The following TOP2B variants were observed in gnomAD, a reference collection of about 807,000 sequenced individuals.
TOP2B encodes the protein DNA topoisomerase II beta, also known as DNA topoisomerase 2-beta.
A neutral mutation model predicts 193.5 loss-of-function variants in TOP2B; 51 were observed. That is an observed-to-expected ratio of 0.26 (90% confidence interval 0.21 to 0.33). TOP2B has a LOEUF of 0.33. TOP2B is among the 10% of genes least tolerant of loss of function. The pLI, the probability that TOP2B is intolerant of heterozygous loss-of-function variation, is 1.00. For missense variants in TOP2B, 1,378 were observed against 1,909.3 expected, an observed-to-expected ratio of 0.72 and a Z score of 5.19; for synonymous variants, 634 against 635.7, an observed-to-expected ratio of 1.00 and a Z score of 0.04.
In TOP2B at chr3:25,633,958, A is replaced by G; in HGVS notation, c.909T>C (p.Thr303=). 6.2e-7 allele frequency: 1 copy of G among 1,612,898 alleles called. No homozygotes were observed. Among genetic ancestry groups the G allele is most frequent in the South Asian group, 1.1e-5 (1 of 91,010 alleles). Reference sequence around the variant, plus strand: ...CATGAATAACTTTCAGGGCCACCCCAGTTTCATCCAATTTGTCTTTCACAT... The same window carrying G: ...CATGAATAACTTTCAGGGCCACCCCGGTTTCATCCAATTTGTCTTTCACAT... ...DLYVKDKLDE[T]GVALKVIHEL... is the part of the protein sequence containing the mutation. The change falls in exon 8 of 36, where the codon ACT becomes ACC. Residue 303 remains threonine (T), a synonymous_variant. Coordinates refer to ENST00000264331, the MANE Select transcript of TOP2B (RefSeq NM_001330700.2).
chr3:25,615,014 C>A (rs571494188), intron 27 of TOP2B, among the ~76,000 whole-genome samples, 191 bp downstream of exon 27: 1 of 152,056 alleles, frequency 6.6e-6, no homozygotes, highest in East Asian at 1.9e-4. Context: ...ATTTCAATTT[C>A]ATAGCATTTA....
rs1702259857 is a variant in TOP2B at position 25,607,303 on chromosome 3, T to C, written c.4166A>G (p.Asn1389Ser). 6.4e-7 allele frequency: 1 copy of C among 1,557,128 alleles called. No homozygotes were observed. The highest frequency in any genetic ancestry group is 1.9e-5 in the Admixed American group (1 of 51,388). The change falls in exon 31 of 36, where the codon AAT becomes AGT. Residue 1389 changes from asparagine to serine, a missense_variant. Physicochemically the swap from Asn to Ser is conservative, Grantham distance 46 (BLOSUM62 1). This residue lies in a region of TOP2B where 556 missense variants were observed against 584.2 expected (regional missense o/e 0.95). Coordinates refer to ENST00000264331, the MANE Select transcript of TOP2B (RefSeq NM_001330700.2). ...DDDADDDDDDNNDLEELKVKA... is the reference protein window; with the variant it reads ...DDDADDDDDDSNDLEELKVKA... ...AACTTTCAATTCCTCTAAATCATTA[T>C]TGTCATCATCATCATCATCAGCATC... is the stretch of plus-strand genomic sequence containing the variant.
At chr3:25,623,883 G>A (rs1010036910) in intron 20 of TOP2B, 137 bp from the exon 21 acceptor site, 131 of 645,780 alleles carry the variant, frequency 2.0e-4, no homozygotes, top group African/African-American at 1.4e-3. Context: ...GATTACATCC[G>A]CTTAATAATA....
At chr3:25,626,903 A>G (rs907992900) in intron 16 of TOP2B, 39 bp from the exon 17 acceptor site, 1 of 1,234,510 alleles carries the variant, frequency 8.1e-7, no homozygotes, top group African/African-American at 1.5e-5. Flanking sequence ...CATTAAAAAT[A>G]AAATAAATTT....
In TOP2B at chr3:25,618,252, T is replaced by G. The variant is rs1702563427; in HGVS notation, c.3351+166A>C. On this transcript the variant is annotated intron_variant, in intron 25 of 35. Coordinates refer to ENST00000264331, the MANE Select transcript of TOP2B (RefSeq NM_001330700.2). ...TTTGTGGTGGGTGTGTACTATAAATTCCTGTACTTTATCTGTTCTGTGGAT... is the reference window on the plus strand; with the variant it reads ...TTTGTGGTGGGTGTGTACTATAAATGCCTGTACTTTATCTGTTCTGTGGAT... 8.4e-6 allele frequency: 5 copies of G among 597,656 alleles called. No homozygotes were observed. In the South Asian group the frequency reaches 1.1e-4, roughly 13 times the overall value. The allele number at this position is 597,656 out of a possible 1,614,324, so 37.0% of individuals were successfully genotyped here. A position where few individuals can be genotyped will look rare whatever the true frequency, so the allele number is the denominator to read the frequency against.
intron 1 of TOP2B, among the ~76,000 whole-genome samples, chr3:25,648,059 T>C (rs73051998): frequency 0.13 from 20,441 of 152,122 alleles, 1,681 homozygotes; most frequent in East Asian, 0.2. Context: ...TTCCACCTTC[T>C]CCCTGGGGAG....
chr3:25,610,291 AC>A (rs1258132684), intron 28 of TOP2B, among the ~76,000 whole-genome samples: 1 of 152,194 alleles, frequency 6.6e-6, no homozygotes, highest in African/African-American at 2.4e-5. Context: ...GGGTAAAAAA[AC>A]AAAAACAAAA....
intron 1 of TOP2B, among the ~76,000 whole-genome samples, chr3:25,652,257 G>C (rs2125404650): frequency 1.3e-5 from 2 of 152,248 alleles, no homozygotes; most frequent in South Asian, 4.2e-4. Context: ...TTCAGTTATG[G>C]ATAGAACAAC....
chr3:25,634,999 C>T (rs1703066819), intron 7 of TOP2B, among the ~76,000 whole-genome samples: 1 of 151,984 alleles, frequency 6.6e-6, no homozygotes, highest in African/African-American at 2.4e-5. Flanking sequence ...TGTAATGAGA[C>T]ATTAGAGAAC....
intron 1 of TOP2B, among the ~76,000 whole-genome samples, chr3:25,663,936 AAAAAG>A (rs933181362): frequency 7.0e-6 from 1 of 143,328 alleles, no homozygotes; most frequent in Non-Finnish European, 1.5e-5. Flanking sequence ...GAGTCTGGTT[AAAAAG>A]AAAAGAGAGG....
intron 1 of TOP2B, among the ~76,000 whole-genome samples, chr3:25,657,320 A>G (rs1663650352): frequency 6.6e-6 from 1 of 152,238 alleles, no homozygotes; most frequent in Admixed American, 6.5e-5. Flanking sequence ...TCCCATCCCT[A>G]GAACAGGTAT....
chr3:25,599,116 T>C (rs911600175), intron 35 of TOP2B, among the ~76,000 whole-genome samples: 1 of 152,072 alleles, frequency 6.6e-6, no homozygotes, highest in African/African-American at 2.4e-5. Flanking sequence ...AAATCCAAGT[T>C]AAAAGGAAAC....
intron 20 of TOP2B, 94 bp from the exon 21 acceptor site, chr3:25,623,840 A>G: frequency 3.9e-6 from 3 of 768,766 alleles, no homozygotes; most frequent in Non-Finnish European, 6.3e-6. Context: ...GCAAAAACAA[A>G]TCTTTTGAAG....
At chr3:25,599,971 T>C (rs1285407642) in intron 34 of TOP2B, among the ~76,000 whole-genome samples, 1 of 152,226 alleles carries the variant, frequency 6.6e-6, no homozygotes, top group Non-Finnish European at 1.5e-5. Context: ...GCTGTTTTAG[T>C]AACACATTAT....
At chr3:25,629,802 T>C (rs993375838) in intron 13 of TOP2B, among the ~76,000 whole-genome samples, 2 of 152,190 alleles carry the variant, frequency 1.3e-5, no homozygotes, top group Admixed American at 6.5e-5. Flanking sequence ...TAGGCTGCTA[T>C]AGTACCACAC....
intron 10 of TOP2B, 128 bp from the exon 11 acceptor site, chr3:25,631,067 G>C: frequency 1.5e-6 from 1 of 678,616 alleles, no homozygotes; most frequent in Non-Finnish European, 2.3e-6. Context: ...AACAATAATG[G>C]TGATAAGCAT....
chr3:25,627,126 G>C, intron 16 of TOP2B, 61 bp downstream of exon 16: 1 of 1,187,352 alleles, frequency 8.4e-7, no homozygotes, highest in South Asian at 1.5e-5. Context: ...AGGACTGGGA[G>C]GAAAGGAATA....
At position 25,615,098 on chromosome 3, in the gene TOP2B, A is replaced by G. The variant is rs1244038517; in HGVS notation, c.3591+107T>C. The G allele has an allele frequency of 8.7e-6, 8 of 918,220 alleles. No homozygotes were observed. The East Asian group carries it at 2.1e-4, about 25-fold the overall frequency. 56.9% of individuals were successfully genotyped at this position (918,220 alleles called of 1,614,324 possible). Reference sequence around the variant, plus strand: ...TAAGCCTAACTCAACTTATAAACATATTAACCTTCACAGAGTTAAAGAAAA... The same window carrying G: ...TAAGCCTAACTCAACTTATAAACATGTTAACCTTCACAGAGTTAAAGAAAA... On this transcript the variant is annotated intron_variant, in intron 27 of 35. Coordinates refer to ENST00000264331, the MANE Select transcript of TOP2B (RefSeq NM_001330700.2).
Position 25,609,787 on chromosome 3 carries a change from CAGAT to C in TOP2B, c.3787-79_3787-76del, listed in dbSNP as rs757726342. 4.1e-4 allele frequency: 551 copies of C among 1,355,602 alleles called. 1 individual carries two copies. Among genetic ancestry groups the C allele is most frequent in the Non-Finnish European group, 5.0e-4 (520 of 1,037,728 alleles). 84.0% of individuals were successfully genotyped at this position (1,355,602 alleles called of 1,614,324 possible). A position where few individuals can be genotyped will look rare whatever the true frequency, so the allele number is the denominator to read the frequency against. On this transcript the variant is annotated intron_variant, in intron 28 of 35. Coordinates refer to ENST00000264331, the MANE Select transcript of TOP2B (RefSeq NM_001330700.2). ...ATATTTTAGAGATAGTTTCAATCAACAGATAGCGCCTTCAAATCAGGTAAATTTA... is the reference window on the plus strand; with the variant it reads ...ATATTTTAGAGATAGTTTCAATCAACAGCGCCTTCAAATCAGGTAAATTTA...
Sources: gnomAD v4.1 joint callset for allele counts (sites outside exome capture counted in the v4.1 genomes callset) on GRCh38, gnomAD v4.1.1 for gene constraint, gnomAD v4.1.1 regional missense constraint, MANE v1.5 for transcripts, NCBI Gene and HGNC (gene_info 2026-07-23, HGNC 2026-07-21) for gene names.